The following SCFD2 variants were observed in gnomAD, a reference collection of about 807,000 sequenced individuals.
SCFD2 encodes sec1 family domain containing 2, also known as sec1 family domain-containing protein 2.
Under a neutral mutation model 58.9 loss-of-function variants are expected in SCFD2, and 54 were observed. The ratio of observed to expected loss-of-function variants is 0.92; its 90% CI spans 0.74 to 1.15. The LOEUF (loss-of-function observed/expected upper bound fraction) is 1.15, where lower values mean the gene tolerates loss of function less well. Among genes scored for constraint, SCFD2 ranks in the 50% most tolerant of loss-of-function variants. The pLI, the probability that SCFD2 is intolerant of heterozygous loss-of-function variation, is 0.00. For synonymous variants in SCFD2, 321 were observed against 335.9 expected, an observed-to-expected ratio of 0.96 and a Z score of 0.49; for missense variants, 805 against 836.6, an observed-to-expected ratio of 0.96 and a Z score of 0.47.
At chr4:53,330,238 C>A (rs1417244261) in intron 2 of SCFD2, among the ~76,000 whole-genome samples, 2 of 152,032 alleles carry the variant, frequency 1.3e-5, no homozygotes, top group South Asian at 2.1e-4. Context: ...TCAGGAAATA[C>A]AGAGAACGCC....
intron 5 of SCFD2, among the ~76,000 whole-genome samples, chr4:53,084,287 T>C (rs539321724): frequency 5.3e-5 from 8 of 152,288 alleles, no homozygotes; most frequent in Admixed American, 1.3e-4. Flanking sequence ...TAGCGATATC[T>C]TTCCTACTCG....
intron 5 of SCFD2, among the ~76,000 whole-genome samples, chr4:52,997,228 G>A (rs890835252): frequency 1.3e-5 from 2 of 152,224 alleles, no homozygotes; most frequent in Admixed American, 6.5e-5. Context: ...TGTCCAATGA[G>A]TTGTTATTGT....
At chr4:53,158,783 C>A (rs528841490) in intron 4 of SCFD2, among the ~76,000 whole-genome samples, 2 of 152,192 alleles carry the variant, frequency 1.3e-5, no homozygotes, top group Non-Finnish European at 2.9e-5. Context: ...TCAACAGTCA[C>A]GACTTCTTTT....
At chr4:53,054,591 AG>A (rs1723270878) in intron 5 of SCFD2, among the ~76,000 whole-genome samples, 1 of 152,122 alleles carries the variant, frequency 6.6e-6, no homozygotes, top group African/African-American at 2.4e-5. Context: ...ATAAGAAGCC[AG>A]AGACAGATGA....
intron 2 of SCFD2, among the ~76,000 whole-genome samples, chr4:53,346,764 A>T (rs1734069559): frequency 6.6e-6 from 1 of 152,216 alleles, no homozygotes; most frequent in Non-Finnish European, 1.5e-5. Context: ...TAAAGTGAAG[A>T]GCAGTTCAGT....
intron 5 of SCFD2, among the ~76,000 whole-genome samples, chr4:53,096,402 T>C (rs960252765): frequency 1.3e-5 from 2 of 152,226 alleles, no homozygotes; most frequent in African/African-American, 2.4e-5. Flanking sequence ...TTTTTAATGA[T>C]TGCCATTCTA....
At chr4:53,132,941 C>T (rs1476147391) in intron 5 of SCFD2, among the ~76,000 whole-genome samples, 2 of 152,118 alleles carry the variant, frequency 1.3e-5, no homozygotes, top group Non-Finnish European at 2.9e-5. Context: ...TGATGAATTA[C>T]TGAGGAAAAA....
intron 5 of SCFD2, among the ~76,000 whole-genome samples, chr4:52,980,398 A>G (rs903049822): frequency 1.3e-5 from 2 of 152,184 alleles, no homozygotes; most frequent in African/African-American, 4.8e-5. Context: ...TGGAGGTGGA[A>G]TAACCGTAGT....
At chr4:52,997,989 C>T (rs1721782227) in intron 5 of SCFD2, among the ~76,000 whole-genome samples, 1 of 152,172 alleles carries the variant, frequency 6.6e-6, no homozygotes, top group East Asian at 1.9e-4. Context: ...CTAATTCTTT[C>T]AAATACCTGG....
At chr4:53,306,254 T>C (rs1732511276) in intron 3 of SCFD2, among the ~76,000 whole-genome samples, 1 of 152,154 alleles carries the variant, frequency 6.6e-6, no homozygotes, top group African/African-American at 2.4e-5. Flanking sequence ...TGGCAGTCAT[T>C]AAGTAGCATC....
At chr4:53,194,381 T>G (rs1727999390) in intron 4 of SCFD2, among the ~76,000 whole-genome samples, 2 of 152,228 alleles carry the variant, frequency 1.3e-5, no homozygotes, top group Admixed American at 1.3e-4. Flanking sequence ...CTCACTATTA[T>G]CTATTAAAAC....
At chr4:52,940,731 G>A (rs532363309) in intron 5 of SCFD2, among the ~76,000 whole-genome samples, 11 of 152,146 alleles carry the variant, frequency 7.2e-5, no homozygotes, top group East Asian at 3.9e-4. Context: ...GTGGTAATGC[G>A]CAAAGGGACT....
At chr4:53,256,865 G>A (rs1730655911) in intron 4 of SCFD2, among the ~76,000 whole-genome samples, 1 of 142,478 alleles carries the variant, frequency 7.0e-6, no homozygotes, top group Admixed American at 7.1e-5. Context: ...GAAAGAGAGG[G>A]AGAGGGAGAC....
At chr4:53,171,195 C>G (rs1727167470) in intron 4 of SCFD2, among the ~76,000 whole-genome samples, 1 of 152,124 alleles carries the variant, frequency 6.6e-6, no homozygotes, top group Non-Finnish European at 1.5e-5. Context: ...TTCTACTAGA[C>G]CTAATTTGTT....
At chr4:53,097,057 CT>C (rs1724672596) in intron 5 of SCFD2, among the ~76,000 whole-genome samples, 1 of 152,158 alleles carries the variant, frequency 6.6e-6, no homozygotes, top group African/African-American at 2.4e-5. Flanking sequence ...GGGATCTGTT[CT>C]GTTCCATTGG....
At chr4:53,143,187 T>G (rs1726220636) in intron 5 of SCFD2, among the ~76,000 whole-genome samples, 1 of 152,198 alleles carries the variant, frequency 6.6e-6, no homozygotes, top group South Asian at 2.1e-4. Context: ...CAAATGAATA[T>G]TCTTACAGCA....
At chr4:53,080,731 A>G (rs543751148) in intron 5 of SCFD2, among the ~76,000 whole-genome samples, 7 of 152,194 alleles carry the variant, frequency 4.6e-5, no homozygotes, top group South Asian at 2.1e-4. Flanking sequence ...CAATTAGGAG[A>G]TATGTCAACA....
At chr4:53,072,387 T>C (rs938108925) in intron 5 of SCFD2, among the ~76,000 whole-genome samples, 5 of 152,024 alleles carry the variant, frequency 3.3e-5, no homozygotes, top group Non-Finnish European at 7.4e-5. Context: ...GCTGCAGACA[T>C]AGATAAGCAA....
intron 6 of SCFD2, among the ~76,000 whole-genome samples, chr4:52,910,825 G>A (rs1719466941): frequency 6.6e-6 from 1 of 152,076 alleles, no homozygotes; most frequent in Admixed American, 6.6e-5. Context: ...GAGATCCGAT[G>A]GTTTTACAAG....
Sources: allele counts gnomAD v4.1 joint callset (sites outside exome capture counted in the v4.1 genomes callset), GRCh38; gene constraint gnomAD v4.1.1; transcripts MANE v1.5; gene names NCBI Gene and HGNC (gene_info 2026-07-23, HGNC 2026-07-21).